The following SMAD3 variants were observed in gnomAD, a reference collection of about 807,000 sequenced individuals.
SMAD3 encodes MAD homolog 3.
In SMAD3, 12 loss-of-function variants were observed where a neutral mutation model predicts 51.8. The observed-to-expected ratio is 0.23, with a 90% CI of 0.15 to 0.38. SMAD3 has a LOEUF of 0.38. Ranked by LOEUF, SMAD3 falls within the 10% of genes least tolerant of loss-of-function variation. The probability of loss-of-function intolerance (pLI) is 1.00; values close to 1 mark genes in which losing one functional copy is unlikely to be tolerated. For synonymous variants in SMAD3, 238 were observed against 227.7 expected (o/e 1.05, Z -0.41); for missense variants, 294 against 565.6 (o/e 0.52, Z 4.87).
chr15:67,098,595 A>C, intron 1 of SMAD3: 1 of 431,898 alleles, frequency 2.3e-6, no homozygotes. Context: ...ACAGAGGCAA[A>C]CCACAGAGTA....
intron 1 of SMAD3, among the ~76,000 whole-genome samples, chr15:67,069,353 C>T (rs1454158993): frequency 6.6e-6 from 1 of 152,212 alleles, no homozygotes; most frequent in Non-Finnish European, 1.5e-5. Context: ...AACAGCCTCT[C>T]ATGCCTCACC....
chr15:67,119,632 G>T (rs747696705), intron 1 of SMAD3, among the ~76,000 whole-genome samples: 11 of 152,296 alleles, frequency 7.2e-5, no homozygotes, highest in African/African-American at 2.6e-4. Flanking sequence ...ATTCAGACCC[G>T]CACACACTCG....
rs1960373870 is a variant in SMAD3, at chr15:67,085,733, T to G, written c.206+19373T>G. ...CCGGCCTGGGGAAATCCATGTTTTTTAACTTTCCTAGGTGATTCCGGTATG... is the reference window on the plus strand; with the variant it reads ...CCGGCCTGGGGAAATCCATGTTTTTGAACTTTCCTAGGTGATTCCGGTATG... On this transcript the variant is annotated intron_variant, in intron 1 of 8. Coordinates refer to ENST00000327367, the MANE Select transcript of SMAD3 (RefSeq NM_005902.4). Among the ~76,000 whole-genome samples, 9 of 152,322 alleles carry G rather than the reference T, an allele frequency of 5.9e-5. No individual in the cohort carries two copies. The South Asian group carries it at 1.9e-3, about 32-fold the overall frequency.
intron 5 of SMAD3, among the ~76,000 whole-genome samples, chr15:67,179,627 G>C (rs890228360): frequency 6.6e-6 from 1 of 152,126 alleles, no homozygotes; most frequent in African/African-American, 2.4e-5. Context: ...CTCCAAAAGG[G>C]GATTGGGACA....
rs863223741 is a variant in SMAD3, at chr15:67,181,403, T to C, written c.821T>C (p.Leu274Pro). The C allele has an allele frequency of 6.2e-7, 1 of 1,613,904 alleles. No individual in the cohort carries two copies. The highest frequency in any genetic ancestry group is 1.3e-5 in the African/African-American group (1 of 74,916). ...SNSERFCLGL[L>P]SNVNRNAAVE... ...TCGGAGCGCTTCTGCCTAGGGCTGCTCTCCAATGTCAACAGGAATGCAGCA... is the reference window on the plus strand; with the variant it reads ...TCGGAGCGCTTCTGCCTAGGGCTGCCCTCCAATGTCAACAGGAATGCAGCA... Residue 274 changes from leucine to proline, a missense_variant, in exon 6 of 9, where the codon CTC becomes CCC. Coordinates refer to ENST00000327367, the MANE Select transcript of SMAD3 (RefSeq NM_005902.4).
intron 1 of SMAD3, among the ~76,000 whole-genome samples, chr15:67,151,350 T>TTTA (rs1353594898): frequency 7.3e-5 from 9 of 122,642 alleles, no homozygotes; most frequent in Admixed American, 3.2e-4. Flanking sequence ...TTATTTATTT[T>TTTA]GAGACGGAGT....
intron 4 of SMAD3, among the ~76,000 whole-genome samples, 161 bp from the exon 5 acceptor site, chr15:67,170,393 A>G (rs1190203711): frequency 1.3e-5 from 2 of 152,170 alleles, no homozygotes; most frequent in Non-Finnish European, 2.9e-5. Context: ...GAGGGAAAGT[A>G]GAGGCAAGGG....
At chr15:67,081,674 G>A (rs1216606735) in intron 1 of SMAD3, among the ~76,000 whole-genome samples, 1 of 152,096 alleles carries the variant, frequency 6.6e-6, no homozygotes, top group African/African-American at 2.4e-5. Context: ...TCCAAGGGTG[G>A]CCACAACTGT....
chr15:67,166,240 A>G, intron 3 of SMAD3: 3 of 933,520 alleles, frequency 3.2e-6, no homozygotes, highest in Non-Finnish European at 3.9e-6. Flanking sequence ...GGAGGGCTTC[A>G]GTCAGGGTCT....
intron 1 of SMAD3, among the ~76,000 whole-genome samples, chr15:67,116,252 G>T (rs1961133226): frequency 6.6e-6 from 1 of 152,212 alleles, no homozygotes; most frequent in Non-Finnish European, 1.5e-5. Flanking sequence ...GGTAGAGAGT[G>T]AGGCCCTCCA....
chr15:67,178,581 ACAG>A (rs909362310), intron 5 of SMAD3, among the ~76,000 whole-genome samples: 2 of 152,186 alleles, frequency 1.3e-5, no homozygotes, highest in African/African-American at 4.8e-5. Flanking sequence ...CCAAGGTCAC[ACAG>A]CAGGATCAGC....
At chr15:67,175,690 T>A (rs1962872303) in intron 5 of SMAD3, among the ~76,000 whole-genome samples, 1 of 152,164 alleles carries the variant, frequency 6.6e-6, no homozygotes, top group East Asian at 1.9e-4. Context: ...TGGGTGAGAC[T>A]CCACGCTGAC....
chr15:67,167,356 G>A (rs943430482), intron 4 of SMAD3, among the ~76,000 whole-genome samples: 2 of 152,164 alleles, frequency 1.3e-5, no homozygotes, highest in Non-Finnish European at 2.9e-5. Context: ...CGTGGCTGGA[G>A]GATACACTCT....
intron 5 of SMAD3, among the ~76,000 whole-genome samples, chr15:67,170,837 G>C (rs538826914): frequency 2.0e-5 from 3 of 152,294 alleles, no homozygotes; most frequent in East Asian, 3.9e-4. Context: ...ATTTCCCCTG[G>C]GGGGCGGGTA....
At chr15:67,163,944 T>TAAAAAA (rs57803788) in intron 1 of SMAD3, among the ~76,000 whole-genome samples, 16 of 87,918 alleles carry the variant, frequency 1.8e-4, no homozygotes, top group East Asian at 3.9e-4. Flanking sequence ...GTATCAAAAG[T>TAAAAAA]AAAAAAAAAA....
At chr15:67,068,287 T>C (rs966025314) in intron 1 of SMAD3, among the ~76,000 whole-genome samples, 2 of 152,254 alleles carry the variant, frequency 1.3e-5, no homozygotes, top group Non-Finnish European at 2.9e-5. Context: ...TGCTTTATAC[T>C]TTGAAGATCC....
chr15:67,103,676 T>A (rs918112749), intron 1 of SMAD3, among the ~76,000 whole-genome samples: 73 of 152,024 alleles, frequency 4.8e-4, no homozygotes, highest in Non-Finnish European at 2.6e-4. Flanking sequence ...TGTGGGCCTG[T>A]GTGTGGACTC....
chr15:67,123,273 A>T (rs1229837492), intron 1 of SMAD3, among the ~76,000 whole-genome samples: 1 of 151,898 alleles, frequency 6.6e-6, no homozygotes, highest in Non-Finnish European at 1.5e-5. Flanking sequence ...AGGCGGGTGG[A>T]TCACCTGAGG....
At chr15:67,127,268 T>G (rs573761854) in intron 1 of SMAD3, among the ~76,000 whole-genome samples, 1 of 152,344 alleles carries the variant, frequency 6.6e-6, no homozygotes, top group East Asian at 1.9e-4. Flanking sequence ...TGTTTTGTTT[T>G]TCTGTCTCCT....
Sources: allele counts gnomAD v4.1 joint callset (sites outside exome capture counted in the v4.1 genomes callset), GRCh38; gene constraint gnomAD v4.1.1; transcripts MANE v1.5; gene names NCBI Gene and HGNC (gene_info 2026-07-23, HGNC 2026-07-21).